MIPEP: variants seen among roughly 807,000 people sequenced by gnomAD.
The protein encoded by MIPEP is mitochondrial intermediate peptidase.
A neutral mutation model predicts 90.3 loss-of-function variants in MIPEP; 79 were observed. The observed-to-expected ratio is 0.87, with a 90% CI of 0.73 to 1.05. MIPEP has a LOEUF of 1.05. Ranked by LOEUF, MIPEP falls within the 50% of genes least tolerant of loss-of-function variation. The probability of loss-of-function intolerance (pLI) is 0.00; values close to 1 mark genes in which losing one functional copy is unlikely to be tolerated. For synonymous variants in MIPEP, 334 were observed against 315.8 expected, an observed-to-expected ratio of 1.06 and a Z score of -0.61; for missense variants, 940 against 905.6, an observed-to-expected ratio of 1.04 and a Z score of -0.49.
chr13:23,782,818 C>T (rs1259462669), intron 16 of MIPEP, among the ~76,000 whole-genome samples: 1 of 152,184 alleles, frequency 6.6e-6, no homozygotes, highest in African/African-American at 2.4e-5. Context: ...TCAGAGAATA[C>T]TATAAACACC....
chr13:23,786,331 TAGA>T (rs1371630581), intron 16 of MIPEP, among the ~76,000 whole-genome samples: 1 of 152,132 alleles, frequency 6.6e-6, no homozygotes. Flanking sequence ...TCATAAATAC[TAGA>T]AGAAAATATA....
chr13:23,732,424 A>G (rs1024663746), intron 18 of MIPEP, among the ~76,000 whole-genome samples: 1 of 152,214 alleles, frequency 6.6e-6, no homozygotes, highest in Non-Finnish European at 1.5e-5. Flanking sequence ...AGGACCCAGC[A>G]ATTTCACTCC....
rs1953103785 is a variant in MIPEP at position 23,806,087 on chromosome 13, T to C, written c.1729-18A>G. On this transcript the variant is annotated intron_variant, in intron 15 of 18. Coordinates refer to ENST00000382172, the MANE Select transcript of MIPEP (RefSeq NM_005932.4). ...TAAAAGACCTAGATAGATAAAAACATCTACTTAGTTTTGGTCGTCCATCCT... is the reference window on the plus strand; with the variant it reads ...TAAAAGACCTAGATAGATAAAAACACCTACTTAGTTTTGGTCGTCCATCCT... The C allele has an allele frequency of 5.6e-6, 9 of 1,613,312 alleles. No individual in the cohort carries two copies. The East Asian group carries it at 1.6e-4, about 28-fold the overall frequency.
intron 14 of MIPEP, among the ~76,000 whole-genome samples, chr13:23,826,224 T>C (rs1868445324): frequency 2.0e-5 from 3 of 152,260 alleles, no homozygotes; most frequent in Middle Eastern, 3.4e-3. Flanking sequence ...GGGGAAATTA[T>C]ATATCTATCA....
chr13:23,878,459 C>T (rs1871154483), intron 4 of MIPEP, among the ~76,000 whole-genome samples: 1 of 151,992 alleles, frequency 6.6e-6, no homozygotes, highest in African/African-American at 2.4e-5. Flanking sequence ...GGTCAATAAG[C>T]CACATATGGA....
chr13:23,797,993 G>T (rs1386544287), intron 16 of MIPEP, among the ~76,000 whole-genome samples: 1 of 152,300 alleles, frequency 6.6e-6, no homozygotes, highest in African/African-American at 2.4e-5. Flanking sequence ...TCGAATACAG[G>T]CTCCATGAGA....
intron 1 of MIPEP, 148 bp from the exon 2 acceptor site, chr13:23,886,654 A>G: frequency 2.0e-6 from 1 of 502,186 alleles, no homozygotes; most frequent in Non-Finnish European, 3.3e-6. Context: ...CCACTATCAT[A>G]CTCCCCATAT....
In MIPEP at chr13:23,825,175, G is replaced by A. The variant is rs184529289; in HGVS notation, c.1653+11065C>T. 1.2e-4 allele frequency among the ~76,000 whole-genome samples: 19 copies of A among 152,232 alleles called. No individual in the cohort carries two copies. In the Middle Eastern group the frequency reaches 0.014, roughly 109 times the overall value. ...GCCAGCTGTGTATGGTGGTGGGGCC[G>A]GGCTCAGATCCATCTCTACTTCCCT... On this transcript the variant is annotated intron_variant, in intron 14 of 18. Transcript: ENST00000382172.
intron 7 of MIPEP, 89 bp from the exon 8 acceptor site, chr13:23,864,278 A>G (rs1465366456): frequency 6.8e-6 from 6 of 879,688 alleles, no homozygotes; most frequent in African/African-American, 1.7e-5. Flanking sequence ...ATCATAATCT[A>G]TATCCCACAA....
intron 2 of MIPEP, among the ~76,000 whole-genome samples, chr13:23,883,099 A>G (rs559086590): frequency 1.3e-5 from 2 of 152,180 alleles, no homozygotes; most frequent in Non-Finnish European, 2.9e-5. Flanking sequence ...AAAAATTCAG[A>G]TATTTTTAAG....
chr13:23,789,735 C>G (rs1250066589), intron 16 of MIPEP, among the ~76,000 whole-genome samples: 2 of 152,190 alleles, frequency 1.3e-5, no homozygotes, highest in African/African-American at 2.4e-5. Flanking sequence ...TCAGTTTCTC[C>G]CACCTGCCGG....
intron 10 of MIPEP, among the ~76,000 whole-genome samples, chr13:23,856,574 C>CGGAA (rs755207920): frequency 8.5e-5 from 13 of 152,084 alleles, no homozygotes; most frequent in Non-Finnish European, 1.6e-4. Context: ...GCTAACTTCC[C>CGGAA]GGTCATTGGC....
In MIPEP at chr13:23,809,990, C is replaced by T. The variant is rs9510869; in HGVS notation, c.1654-66G>A. On this transcript the variant is annotated intron_variant, in intron 14 of 18. Transcript: ENST00000382172. ...AATAAGTCACTGCACTATGTATAAG[C>T]CAGGAAATTTAAAAATAACATCAAA... 280,480 of 876,114 alleles carry T rather than the reference C, an allele frequency of 0.32. 47,475 individuals are homozygous for T. Among genetic ancestry groups the T allele is most frequent in the African/African-American group, 0.56 (32,827 of 58,318 alleles). 54.3% of individuals were successfully genotyped at this position (876,114 alleles called of 1,614,324 possible). A position where few individuals can be genotyped will look rare whatever the true frequency, so the allele number is the denominator to read the frequency against.
At chr13:23,828,801 T>A (rs1398911417) in intron 14 of MIPEP, among the ~76,000 whole-genome samples, 1 of 152,210 alleles carries the variant, frequency 6.6e-6, no homozygotes, top group Non-Finnish European at 1.5e-5. Context: ...AAAAATTAGA[T>A]AACCTGATTC....
At chr13:23,804,250 C>T (rs932182781) in intron 16 of MIPEP, among the ~76,000 whole-genome samples, 4 of 152,202 alleles carry the variant, frequency 2.6e-5, no homozygotes, top group Non-Finnish European at 5.9e-5. Context: ...GCAAGCAACT[C>T]AGTCAAACTG....
chr13:23,763,537 G>A (rs989544093), intron 16 of MIPEP, among the ~76,000 whole-genome samples: 31 of 152,106 alleles, frequency 2.0e-4, no homozygotes, highest in African/African-American at 7.0e-4. Context: ...TTGAAAGCAG[G>A]CCCACTTCAA....
At chr13:23,884,950 T>C (rs556762004) in intron 2 of MIPEP, among the ~76,000 whole-genome samples, 4 of 152,290 alleles carry the variant, frequency 2.6e-5, no homozygotes, top group South Asian at 4.1e-4. Context: ...TTCAAGCTGA[T>C]AGGAAACCCT....
chr13:23,827,916 G>A (rs1205524585), intron 14 of MIPEP, among the ~76,000 whole-genome samples: 1 of 152,136 alleles, frequency 6.6e-6, no homozygotes, highest in Non-Finnish European at 1.5e-5. Context: ...GGGCGATGGA[G>A]GGAGACTCTG....
At chr13:23,762,642 T>G (rs1952559472) in intron 16 of MIPEP, among the ~76,000 whole-genome samples, 1 of 152,216 alleles carries the variant, frequency 6.6e-6, no homozygotes, top group South Asian at 2.1e-4. Flanking sequence ...TCCATGCCCC[T>G]TCCTCCTTGG....
Sources: allele counts gnomAD v4.1 joint callset (sites outside exome capture counted in the v4.1 genomes callset), GRCh38; gene constraint gnomAD v4.1.1; transcripts MANE v1.5; gene names NCBI Gene and HGNC (gene_info 2026-07-23, HGNC 2026-07-21).